CSMD3: variants seen among roughly 807,000 people sequenced by gnomAD.
The protein encoded by CSMD3 is CUB and sushi domain-containing protein 3.
A neutral mutation model predicts 435.2 loss-of-function variants in CSMD3; 177 were observed. The observed-to-expected ratio is 0.41, with a 90% CI of 0.36 to 0.46. CSMD3 has a LOEUF of 0.46. Among genes scored for constraint, CSMD3 ranks in the 20% least tolerant of loss-of-function variants. The pLI is 0.34. For synonymous variants in CSMD3, 1,656 were observed against 1,520.5 expected, an observed-to-expected ratio of 1.09 and a Z score of -2.07; for missense variants, 4,265 against 4,504.6, an observed-to-expected ratio of 0.95 and a Z score of 1.52.
chr8:112,929,583 T>G (rs2083038128), intron 9 of CSMD3, among the ~76,000 whole-genome samples: 1 of 152,074 alleles, frequency 6.6e-6, no homozygotes, highest in South Asian at 2.1e-4. Context: ...GTGTCTTAAT[T>G]AAACAATTTT....
At chr8:112,468,434 A>G (rs946847236) in intron 32 of CSMD3, among the ~76,000 whole-genome samples, 1 of 151,268 alleles carries the variant, frequency 6.6e-6, no homozygotes, top group African/African-American at 2.4e-5. Flanking sequence ...GTTTCTTCTC[A>G]GCCAGGATTG....
intron 3 of CSMD3, among the ~76,000 whole-genome samples, chr8:113,275,141 T>C (rs2093560241): frequency 6.6e-6 from 1 of 152,074 alleles, no homozygotes; most frequent in South Asian, 2.1e-4. Context: ...GATCCTATTC[T>C]AGGCACTCTA....
intron 5 of CSMD3, among the ~76,000 whole-genome samples, chr8:113,093,000 G>T (rs1250302177): frequency 1.3e-5 from 2 of 152,008 alleles, no homozygotes; most frequent in African/African-American, 4.8e-5. Flanking sequence ...ACATGTAAAA[G>T]CAGATTATCA....
intron 4 of CSMD3, among the ~76,000 whole-genome samples, chr8:113,129,595 T>C (rs145376291): frequency 2.2e-3 from 332 of 152,278 alleles, no homozygotes; most frequent in African/African-American, 7.7e-3. Context: ...GATAGAAAGA[T>C]AAATGATACT....
At chr8:112,781,737 G>A (rs2078392252) in intron 13 of CSMD3, among the ~76,000 whole-genome samples, 1 of 152,104 alleles carries the variant, frequency 6.6e-6, no homozygotes, top group Non-Finnish European at 1.5e-5. Flanking sequence ...TAAAGACAGA[G>A]AGACTCTGTT....
intron 13 of CSMD3, among the ~76,000 whole-genome samples, chr8:112,759,268 C>T (rs1183483404): frequency 1.3e-5 from 2 of 152,086 alleles, no homozygotes; most frequent in Non-Finnish European, 2.9e-5. Context: ...AAGTGATACA[C>T]ATATCATGCC....
intron 5 of CSMD3, among the ~76,000 whole-genome samples, chr8:113,040,249 G>C (rs1415590396): frequency 2.0e-5 from 3 of 152,178 alleles, no homozygotes; most frequent in African/African-American, 7.2e-5. Flanking sequence ...AAGAAAGACA[G>C]TGGTTAGGAA....
At chr8:112,784,142 G>T (rs945787833) in intron 13 of CSMD3, among the ~76,000 whole-genome samples, 22 of 151,874 alleles carry the variant, frequency 1.4e-4, no homozygotes, top group African/African-American at 4.3e-4. Context: ...ATAACAAGAG[G>T]ATAAATACAT....
At chr8:112,451,923 G>A (rs755086499) in intron 32 of CSMD3, among the ~76,000 whole-genome samples, 1 of 152,120 alleles carries the variant, frequency 6.6e-6, no homozygotes, top group Non-Finnish European at 1.5e-5. Flanking sequence ...TAAAACAAAG[G>A]TTGAGATAAT....
chr8:112,966,249 T>C (rs1054627932), intron 7 of CSMD3, among the ~76,000 whole-genome samples: 13 of 151,738 alleles, frequency 8.6e-5, no homozygotes, highest in African/African-American at 3.1e-4. Flanking sequence ...TTAAAAGTTA[T>C]AAATTCTGCA....
chr8:113,340,976 T>C (rs1276417305), intron 1 of CSMD3, among the ~76,000 whole-genome samples: 1 of 152,168 alleles, frequency 6.6e-6, no homozygotes, highest in Non-Finnish European at 1.5e-5. Context: ...CTTTATTCTT[T>C]GTCACAGCAA....
intron 22 of CSMD3, among the ~76,000 whole-genome samples, chr8:112,626,715 T>A (rs7822610): frequency 0.49 from 74,509 of 151,838 alleles, 18,914 homozygotes; most frequent in African/African-American, 0.59. Flanking sequence ...ATAAGCAGCG[T>A]TATCATTTAA....
At chr8:112,267,486 T>C (rs544861911) in intron 59 of CSMD3, among the ~76,000 whole-genome samples, 1 of 152,230 alleles carries the variant, frequency 6.6e-6, no homozygotes, top group African/African-American at 2.4e-5. Context: ...GTTTAAAAAT[T>C]TACAAGAATG....
chr8:112,343,088 A>G (rs1337794725), intron 41 of CSMD3, among the ~76,000 whole-genome samples: 1 of 148,144 alleles, frequency 6.8e-6, no homozygotes, highest in Non-Finnish European at 1.5e-5. Flanking sequence ...AGAAAAGAGT[A>G]TGGTTATTAA....
chr8:112,657,038 T>C (rs1216111490), intron 17 of CSMD3, among the ~76,000 whole-genome samples: 1 of 151,140 alleles, frequency 6.6e-6, no homozygotes, highest in Non-Finnish European at 1.5e-5. Context: ...AACCACAGCC[T>C]TAAAAACTTT....
At chr8:112,781,819 A>G (rs989356658) in intron 13 of CSMD3, among the ~76,000 whole-genome samples, 63 of 152,174 alleles carry the variant, frequency 4.1e-4, no homozygotes, top group African/African-American at 1.4e-3. Flanking sequence ...ATCTTACCTA[A>G]GACCACTAAG....
At chr8:112,626,447 G>A (rs1834480604) in intron 22 of CSMD3, among the ~76,000 whole-genome samples, 1 of 151,878 alleles carries the variant, frequency 6.6e-6, no homozygotes, top group African/African-American at 2.4e-5. Flanking sequence ...TGTATTAATG[G>A]CATATATATT....
At chr8:113,249,324 A>C (rs1343138933) in intron 3 of CSMD3, among the ~76,000 whole-genome samples, 1 of 152,076 alleles carries the variant, frequency 6.6e-6, no homozygotes, top group Non-Finnish European at 1.5e-5. Context: ...GAAAACAGTA[A>C]AATCTTGGAC....
chr8:112,744,312 C>T (rs1285189850), intron 13 of CSMD3, among the ~76,000 whole-genome samples: 1 of 152,046 alleles, frequency 6.6e-6, no homozygotes, highest in Non-Finnish European at 1.5e-5. Context: ...ACTCTCAAAA[C>T]ATAATTCCCA....
Sources: allele counts gnomAD v4.1 joint callset (sites outside exome capture counted in the v4.1 genomes callset), GRCh38; gene constraint gnomAD v4.1.1; transcripts MANE v1.5; gene names NCBI Gene and HGNC (gene_info 2026-07-23, HGNC 2026-07-21).